ADGB: variants seen among roughly 807,000 people sequenced by gnomAD.
ADGB encodes the protein androglobin.
Under a neutral mutation model 210.5 loss-of-function variants are expected in ADGB, and 172 were observed. That is an observed-to-expected ratio of 0.82 (90% CI 0.72 to 0.93). The LOEUF (loss-of-function observed/expected upper bound fraction) is 0.93, where lower values mean the gene tolerates loss of function less well. Among genes scored for constraint, ADGB ranks in the 40% least tolerant of loss-of-function variants. ADGB has a pLI of 0.00. For synonymous variants in ADGB, 658 were observed against 662.7 expected, an observed-to-expected ratio of 0.99 and a Z score of 0.11; for missense variants, 2,025 against 1,964.8, an observed-to-expected ratio of 1.03 and a Z score of -0.58.
At chr6:146,713,740 C>G (rs1776691396) in intron 13 of ADGB, among the ~76,000 whole-genome samples, 1 of 150,828 alleles carries the variant, frequency 6.6e-6, no homozygotes. Context: ...CAGAAGTTTT[C>G]TTTTTTTTTA....
At chr6:146,632,227 C>T (rs1781076188) in intron 1 of ADGB, among the ~76,000 whole-genome samples, 2 of 152,178 alleles carry the variant, frequency 1.3e-5, no homozygotes, top group South Asian at 4.1e-4. Context: ...AAATCCACTT[C>T]CTTGCCTTTC....
At chr6:146,657,565 G>A (rs575644869) in intron 5 of ADGB, among the ~76,000 whole-genome samples, 25 of 152,264 alleles carry the variant, frequency 1.6e-4, no homozygotes, top group African/African-American at 6.0e-4. Flanking sequence ...CTGAGGTATG[G>A]CCACTCATTG....
At chr6:146,742,350 T>C (rs574371135) in intron 25 of ADGB, among the ~76,000 whole-genome samples, 1 of 151,986 alleles carries the variant, frequency 6.6e-6, no homozygotes, top group South Asian at 2.1e-4. Flanking sequence ...TCATTTTTAA[T>C]AAGACAGATT....
chr6:146,632,125 G>GTTT (rs1781075192), intron 1 of ADGB, among the ~76,000 whole-genome samples: 2 of 151,950 alleles, frequency 1.3e-5, no homozygotes, highest in South Asian at 4.2e-4. Context: ...AATTCATTTG[G>GTTT]AATTCTCGAG....
chr6:146,615,983 C>A (rs1201759327), intron 1 of ADGB, among the ~76,000 whole-genome samples: 1 of 152,114 alleles, frequency 6.6e-6, no homozygotes, highest in Admixed American at 6.5e-5. Context: ...TTTGAGGAAA[C>A]TCCTTACTGT....
At position 146,811,843 on chromosome 6, in the gene ADGB, T is replaced by A. The variant is rs1226467255; in HGVS notation, c.4819-3189T>A. ...TGTGCCACCACGCCTGGCTAATTTT[T>A]TTTTCTATTTTTAGTAGAGACGGGG... On this transcript the variant is annotated intron_variant, in intron 35 of 35. Transcript: ENST00000397944. Among the ~76,000 whole-genome samples the A allele has an allele frequency of 2.6e-5, 4 of 152,036 alleles. 1 individual carries two copies. In the South Asian group the frequency reaches 6.2e-4, roughly 24 times the overall value.
chr6:146,640,558 C>G (rs1775497042), intron 2 of ADGB, among the ~76,000 whole-genome samples: 1 of 152,018 alleles, frequency 6.6e-6, no homozygotes, highest in Non-Finnish European at 1.5e-5. Context: ...AAAAGCTAAT[C>G]CAACATGATC....
At chr6:146,741,004 C>A in intron 24 of ADGB, 114 bp from the exon 25 acceptor site, 1 of 740,758 alleles carries the variant, frequency 1.3e-6, no homozygotes, top group South Asian at 3.4e-5. Context: ...ATATGTGTGC[C>A]TTTTAGTTAT....
chr6:146,701,856 C>G (rs543692846), intron 13 of ADGB, among the ~76,000 whole-genome samples: 2 of 151,750 alleles, frequency 1.3e-5, no homozygotes, highest in African/African-American at 2.4e-5. Context: ...TGGGGAGATA[C>G]GACCACATGA....
At chr6:146,751,190 C>T (rs1184921479) in intron 26 of ADGB, among the ~76,000 whole-genome samples, 3 of 144,980 alleles carry the variant, frequency 2.1e-5, no homozygotes, top group Non-Finnish European at 4.5e-5. Flanking sequence ...TCCATGTGTT[C>T]TCATTGTTCA....
intron 16 of ADGB, 56 bp downstream of exon 16, chr6:146,717,655 G>T (rs757450711): frequency 4.9e-6 from 4 of 812,858 alleles, no homozygotes. Context: ...AATTGCACCC[G>T]TAGAAAACAT....
rs2114566605 is a variant in ADGB, at chr6:146,717,554, C to T, written c.1947C>T (p.His649=). The stretch of plus-strand genomic sequence containing the variant: ...CTTTCAGAAATATATATATTTTCCA[C>T]AAGCCAAGTTCATATTGCCTTAACT... The part of the protein sequence containing the change: ...CVCFQNIYIF[H]KPSSYCLNFQ... The change falls in exon 16 of 36, where the codon CAC becomes CAT. Residue 649 remains histidine (H), a synonymous_variant. Transcript: ENST00000397944. 7.1e-7 allele frequency: 1 copy of T among 1,408,586 alleles called. No individual in the cohort carries two copies. Among genetic ancestry groups the T allele is most frequent in the Non-Finnish European group, 9.7e-7 (1 of 1,034,608 alleles). 87.3% of individuals were successfully genotyped at this position (1,408,586 alleles called of 1,614,324 possible).
At chr6:146,717,871 A>C (rs552797844) in intron 16 of ADGB, among the ~76,000 whole-genome samples, 1 of 152,332 alleles carries the variant, frequency 6.6e-6, no homozygotes, top group African/African-American at 2.4e-5. Context: ...TTATGAAAAA[A>C]TGAAGGACAT....
chr6:146,623,187 A>C (rs1338409381), intron 1 of ADGB, among the ~76,000 whole-genome samples: 1 of 151,908 alleles, frequency 6.6e-6, no homozygotes, highest in Non-Finnish European at 1.5e-5. Context: ...TATGAGATTT[A>C]GAATCAACTT....
intron 7 of ADGB, among the ~76,000 whole-genome samples, chr6:146,670,971 G>T (rs919476526): frequency 1.5e-4 from 23 of 152,290 alleles, no homozygotes; most frequent in African/African-American, 5.3e-4. Flanking sequence ...GCTGATTGAG[G>T]TGGGGAATCC....
chr6:146,782,325 T>G (rs1777813576), intron 30 of ADGB, 133 bp downstream of exon 30: 1 of 911,686 alleles, frequency 1.1e-6, no homozygotes, highest in Non-Finnish European at 1.6e-6. Context: ...TCTAGATACT[T>G]TGAGGACATT....
chr6:146,647,369 G>A (rs1239966302), intron 3 of ADGB, among the ~76,000 whole-genome samples: 1 of 151,854 alleles, frequency 6.6e-6, no homozygotes, highest in East Asian at 1.9e-4. Context: ...ATCTTTTTTA[G>A]TGTGACTGAT....
chr6:146,784,560 T>A, intron 30 of ADGB, 58 bp from the exon 31 acceptor site: 1 of 1,344,000 alleles, frequency 7.4e-7, no homozygotes. Context: ...TATGGTAAAA[T>A]CTAGACCCTT....
At chr6:146,715,200 C>T (rs569918956) in intron 13 of ADGB, among the ~76,000 whole-genome samples, 182 bp from the exon 14 acceptor site, 9 of 152,168 alleles carry the variant, frequency 5.9e-5, no homozygotes, top group African/African-American at 1.9e-4. Flanking sequence ...TTGTTTAATT[C>T]CATTCATGTC....
Sources: allele counts gnomAD v4.1 joint callset (sites outside exome capture counted in the v4.1 genomes callset), GRCh38; gene constraint gnomAD v4.1.1; transcripts MANE v1.5; gene names NCBI Gene and HGNC (gene_info 2026-07-23, HGNC 2026-07-21).